Variants in RBPJ observed in about 807,000 individuals in gnomAD.
The protein encoded by RBPJ is recombining binding protein suppressor of hairless.
Under a neutral mutation model 67.8 loss-of-function variants are expected in RBPJ, and 9 were observed. That is an observed-to-expected ratio of 0.13 (90% CI 0.08 to 0.23). The LOEUF (loss-of-function observed/expected upper bound fraction) is 0.23. Among genes scored for constraint, RBPJ ranks in the 10% least tolerant of loss-of-function variants. RBPJ has a pLI of 1.00. For synonymous variants in RBPJ, 198 were observed against 203.3 expected (o/e 0.97, Z 0.22); for missense variants, 305 against 595.6 (o/e 0.51, Z 5.08).
chr4:26,166,956 C>T (rs1716334650), intron 1 of RBPJ, among the ~76,000 whole-genome samples: 1 of 152,146 alleles, frequency 6.6e-6, no homozygotes, highest in South Asian at 2.1e-4. Context: ...TTTCCCAGCA[C>T]CATTTATTAA....
intron 1 of RBPJ, among the ~76,000 whole-genome samples, chr4:26,286,670 A>C (rs1184416386): frequency 6.6e-6 from 1 of 152,058 alleles, no homozygotes; most frequent in Non-Finnish European, 1.5e-5. Flanking sequence ...AAATTTTTTG[A>C]TTCCATACAG....
At chr4:26,257,201 A>C (rs1720368920) in intron 1 of RBPJ, among the ~76,000 whole-genome samples, 1 of 152,252 alleles carries the variant, frequency 6.6e-6, no homozygotes, top group Non-Finnish European at 1.5e-5. Flanking sequence ...TAATAATAAC[A>C]ATCATGATTG....
intron 1 of RBPJ, among the ~76,000 whole-genome samples, chr4:26,276,541 G>GA (rs1354050388): frequency 1.3e-5 from 2 of 152,070 alleles, no homozygotes; most frequent in African/African-American, 4.8e-5. Flanking sequence ...GCAATCTATG[G>GA]AAAATCTAAC....
intron 1 of RBPJ, among the ~76,000 whole-genome samples, chr4:26,206,199 C>G (rs1017102204): frequency 6.6e-6 from 1 of 152,204 alleles, no homozygotes; most frequent in African/African-American, 2.4e-5. Flanking sequence ...TCCATCATGG[C>G]TACAATGATT....
chr4:26,217,487 A>G (rs972277461), intron 1 of RBPJ, among the ~76,000 whole-genome samples: 2 of 151,978 alleles, frequency 1.3e-5, no homozygotes, highest in Non-Finnish European at 2.9e-5. Context: ...GGCCTGAGCT[A>G]TTTTAGCCAG....
chr4:26,207,572 T>A (rs1198721596), intron 1 of RBPJ, among the ~76,000 whole-genome samples: 1 of 152,154 alleles, frequency 6.6e-6, no homozygotes, highest in African/African-American at 2.4e-5. Context: ...AAGATGAGCA[T>A]TTGTTCTGGA....
At chr4:26,277,535 T>A (rs921412375) in intron 1 of RBPJ, among the ~76,000 whole-genome samples, 2 of 151,888 alleles carry the variant, frequency 1.3e-5, no homozygotes, top group Admixed American at 6.6e-5. Flanking sequence ...TCCTGGGGAG[T>A]TTTGTAGGGA....
chr4:26,317,803 T>C (rs1284971579), upstream of RBPJ, among the ~76,000 whole-genome samples: 2 of 152,126 alleles, frequency 1.3e-5, no homozygotes, highest in Admixed American at 6.5e-5. Context: ...AGTTGTCCTT[T>C]CCTGAGATGG....
intron 1 of RBPJ, among the ~76,000 whole-genome samples, chr4:26,284,952 G>A (rs1721412816): frequency 1.3e-5 from 2 of 151,700 alleles, no homozygotes; most frequent in African/African-American, 2.4e-5. Flanking sequence ...CACCTCCCGG[G>A]TTCAAGTGAT....
intron 2 of RBPJ, among the ~76,000 whole-genome samples, chr4:26,401,545 TC>T (rs1732799853): frequency 6.6e-6 from 1 of 152,224 alleles, no homozygotes; most frequent in Admixed American, 6.5e-5. Context: ...TGTGACTGCC[TC>T]GGATATTATC....
the RBPJ span, among the ~76,000 whole-genome samples, chr4:26,120,156 C>G: frequency 6.6e-6 from 1 of 152,168 alleles, no homozygotes. Context: ...AGTGGAAAGT[C>G]AGCAGTAGTA....
the RBPJ span, among the ~76,000 whole-genome samples, chr4:26,155,030 G>GC: frequency 6.6e-6 from 1 of 152,174 alleles, no homozygotes; most frequent in Admixed American, 6.5e-5. Context: ...AGTTAAACAA[G>GC]CCACAGGCTC....
At chr4:26,235,866 T>G (rs1366838349) in intron 1 of RBPJ, among the ~76,000 whole-genome samples, 1 of 152,284 alleles carries the variant, frequency 6.6e-6, no homozygotes, top group Non-Finnish European at 1.5e-5. Flanking sequence ...GCTAACCTTC[T>G]GTTTTCCTCA....
At chr4:26,266,828 G>A (rs1048893133) in intron 1 of RBPJ, among the ~76,000 whole-genome samples, 1 of 152,168 alleles carries the variant, frequency 6.6e-6, no homozygotes, top group Non-Finnish European at 1.5e-5. Context: ...CATCTGCTAA[G>A]AAAACCTCAG....
intron 1 of RBPJ, among the ~76,000 whole-genome samples, chr4:26,169,611 A>G (rs1716479668): frequency 6.6e-6 from 1 of 152,228 alleles, no homozygotes; most frequent in South Asian, 2.1e-4. Flanking sequence ...AAGCTGTCAG[A>G]CAGGGACATT....
intron 1 of RBPJ, among the ~76,000 whole-genome samples, chr4:26,360,605 T>TC (rs1412910475): frequency 6.6e-6 from 1 of 150,640 alleles, no homozygotes; most frequent in Non-Finnish European, 1.5e-5. Flanking sequence ...CTTTTTTTTT[T>TC]TTTTTTGAGA....
chr4:26,332,289 C>T lies in RBPJ; in HGVS notation c.20+11241C>T, dbSNP rs578228047. Among the ~76,000 whole-genome samples the T allele has an allele frequency of 1.0e-3, 152 of 152,016 alleles. 1 individual carries two copies. Among genetic ancestry groups the T allele is most frequent in the African/African-American group, 3.6e-3 (148 of 41,478 alleles). On this transcript the variant is annotated intron_variant, in intron 1 of 10. Transcript: ENST00000355476. ...TAAGTAAGCCATTCTTTGTCCTGGC[C>T]TTCCTCCCATGTATTCAATGTGATA... is the stretch of plus-strand genomic sequence containing the variant.
intron 1 of RBPJ, among the ~76,000 whole-genome samples, chr4:26,359,958 C>T (rs1727867666): frequency 6.6e-6 from 1 of 152,122 alleles, no homozygotes; most frequent in Non-Finnish European, 1.5e-5. Flanking sequence ...GTTGTAAATT[C>T]AGTAGTCAAA....
At chr4:26,158,466 G>A (rs1030518261), upstream of RBPJ, among the ~76,000 whole-genome samples, 1 of 152,244 alleles carries the variant, frequency 6.6e-6, no homozygotes, top group Admixed American at 6.5e-5. Context: ...CAAAATTATT[G>A]ATTAATAAAA....
Sources: gnomAD v4.1 joint callset for allele counts (sites outside exome capture counted in the v4.1 genomes callset) on GRCh38, gnomAD v4.1.1 for gene constraint, MANE v1.5 for transcripts, NCBI Gene and HGNC (gene_info 2026-07-23, HGNC 2026-07-21) for gene names.